DECR1: variants seen among roughly 807,000 people sequenced by gnomAD.
DECR1 encodes the protein 2,4-dienoyl-CoA reductase [(3E)-enoyl-CoA-producing], mitochondrial.
DECR1 carries 44 observed loss-of-function variants against 38.8 expected under a neutral mutation model. The observed-to-expected ratio is 1.13, with a 90% CI of 0.89 to 1.46. The LOEUF (loss-of-function observed/expected upper bound fraction) is 1.46. DECR1 is among the 40% of genes most tolerant of loss of function. DECR1 has a pLI of 0.00. For missense variants in DECR1, 428 were observed against 405.5 expected (o/e 1.06, Z -0.48); for synonymous variants, 148 against 135.2 (o/e 1.09, Z -0.66).
intron 1 of DECR1, among the ~76,000 whole-genome samples, chr8:90,009,822 T>C (rs1268415571): frequency 6.6e-6 from 1 of 152,262 alleles, no homozygotes; most frequent in East Asian, 1.9e-4. Context: ...CTCTTAGGTC[T>C]GTGATTTCAT....
Position 90,042,794 on chromosome 8 carries a change from A to C in DECR1, c.732A>C (p.Lys244Asn), listed in dbSNP as rs1813796200. Residue 244 changes from lysine (K) to asparagine (N), a missense_variant, in exon 7 of 10, where the codon AAA becomes AAC. Physicochemically the swap from Lys to Asn is moderately conservative, Grantham distance 94 (BLOSUM62 0). Coordinates refer to ENST00000220764, the MANE Select transcript of DECR1 (RefSeq NM_001359.2). ...ATGTGATTCAACCAGGGCCTATAAAAACCAAAGTAAGTTGTATTTTGCTTG... is the reference window on the plus strand; with the variant it reads ...ATGTGATTCAACCAGGGCCTATAAACACCAAAGTAAGTTGTATTTTGCTTG... ...RFNVIQPGPI[K>N]TKGAFSRLDP... is the part of the protein sequence containing the mutation. 6.2e-7 allele frequency: 1 copy of C among 1,612,918 alleles called. No homozygotes were observed. The highest frequency in any genetic ancestry group is 1.7e-5 in the Admixed American group (1 of 59,988).
intron 1 of DECR1, 78 bp from the exon 2 acceptor site, chr8:90,017,046 T>G (rs1384025392): frequency 2.1e-6 from 2 of 969,740 alleles, no homozygotes; most frequent in South Asian, 1.6e-5. Context: ...ACTATTAAAT[T>G]CAAGAGCATG....
chr8:90,037,170 T>G, intron 6 of DECR1: 1 of 480,814 alleles, frequency 2.1e-6, no homozygotes, highest in Non-Finnish European at 3.7e-6. Context: ...CACTATCCAG[T>G]ATCCACATGT....
intron 8 of DECR1, among the ~76,000 whole-genome samples, chr8:90,046,612 T>C (rs1813911437): frequency 6.6e-6 from 1 of 152,206 alleles, no homozygotes; most frequent in Admixed American, 6.5e-5. Context: ...GAAAACATGC[T>C]GCAGGATATT....
At position 90,001,514 on chromosome 8, in the gene DECR1, T is replaced by A; in HGVS notation, c.22T>A (p.Phe8Ile). MKLPARV[F>I]FTLGSRLPCG... is the part of the protein sequence containing the mutation. ...CAACATGAAGCTACCGGCCAGGGTTTTCTTTACTCTGGGGTCCCGGCTGCC... is the reference window on the plus strand; with the variant it reads ...CAACATGAAGCTACCGGCCAGGGTTATCTTTACTCTGGGGTCCCGGCTGCC... Residue 8 changes from phenylalanine to isoleucine, a missense_variant, in exon 1 of 10, where the codon TTC becomes ATC. Physicochemically the swap from Phe to Ile is conservative, Grantham distance 21. Coordinates refer to ENST00000220764, the MANE Select transcript of DECR1 (RefSeq NM_001359.2). 6.2e-7 allele frequency: 1 copy of A among 1,614,014 alleles called. No homozygotes were observed.
chr8:90,005,310 G>A, intron 1 of DECR1: 1 of 456,270 alleles, frequency 2.2e-6, no homozygotes, highest in South Asian at 1.5e-5. Context: ...CTAGGGATAT[G>A]AAGGTGAGAA....
At chr8:90,023,052 C>T (rs554760239) in intron 5 of DECR1, among the ~76,000 whole-genome samples, 178 of 152,240 alleles carry the variant, frequency 1.2e-3, no homozygotes, top group Admixed American at 2.0e-3. Context: ...GGGGAGTACG[C>T]GGTAAAGGAT....
chr8:90,034,793 C>T (rs1813579908), intron 5 of DECR1, among the ~76,000 whole-genome samples: 1 of 152,094 alleles, frequency 6.6e-6, no homozygotes, highest in South Asian at 2.1e-4. Flanking sequence ...GTCCTAGACA[C>T]TATTGACCAC....
At position 90,036,996 on chromosome 8, in the gene DECR1, C is replaced by G. The variant is rs1421052284; in HGVS notation, c.665+56C>G. 9.5e-6 allele frequency: 12 copies of G among 1,259,552 alleles called. No individual in the cohort carries two copies. In the Admixed American group the frequency reaches 1.9e-4, roughly 20 times the overall value. The allele number at this position is 1,259,552 out of a possible 1,614,324, so 78.0% of individuals were successfully genotyped here. ...AACATAACTAATACAGTTGGTGGCT[C>G]AGGGAACTGTATTCCTGCTTTCTGG... On this transcript the variant is annotated intron_variant, in intron 6 of 9. Transcript: ENST00000220764.
At chr8:90,038,562 G>A (rs1049825899) in intron 6 of DECR1, among the ~76,000 whole-genome samples, 3 of 149,324 alleles carry the variant, frequency 2.0e-5, no homozygotes, top group Non-Finnish European at 3.0e-5. Context: ...GGGTTCAAGC[G>A]ATTCTCCTGC....
rs1403589084 is a variant in DECR1 at position 90,005,248 on chromosome 8, C to A, written c.69+3687C>A. The A allele has an allele frequency of 9.0e-6, 4 of 445,478 alleles. No individual in the cohort carries two copies. The Admixed American group carries it at 9.9e-5, about 11-fold the overall frequency. The allele number at this position is 445,478 out of a possible 1,614,324, so 27.6% of individuals were successfully genotyped here. A position where few individuals can be genotyped will look rare whatever the true frequency, so the allele number is the denominator to read the frequency against. On this transcript the variant is annotated intron_variant, in intron 1 of 9. Coordinates refer to ENST00000220764, the MANE Select transcript of DECR1 (RefSeq NM_001359.2). ...TTGCTGGGGGACAGGGTATGGTGGGCTTTTCTTATTTATGTAGAAAATTGA... is the reference window on the plus strand; with the variant it reads ...TTGCTGGGGGACAGGGTATGGTGGGATTTTCTTATTTATGTAGAAAATTGA...
chr8:90,021,098 T>G (rs770737529), intron 5 of DECR1, 42 bp downstream of exon 5: 1 of 1,506,034 alleles, frequency 6.6e-7, no homozygotes, highest in Non-Finnish European at 8.9e-7. Context: ...GGCTTCTGTG[T>G]GTGCAAGGTT....
At chr8:90,041,192 G>A (rs1813752248) in intron 6 of DECR1, among the ~76,000 whole-genome samples, 1 of 151,822 alleles carries the variant, frequency 6.6e-6, no homozygotes, top group African/African-American at 2.4e-5. Flanking sequence ...GGTATCTCGT[G>A]GTTTTGATTT....
Position 90,034,068 on chromosome 8 carries a change from T to A in DECR1, c.566-2773T>A, listed in dbSNP as rs1586157507. On this transcript the variant is annotated intron_variant, in intron 5 of 9. Coordinates refer to ENST00000220764, the MANE Select transcript of DECR1 (RefSeq NM_001359.2). ...TATATAGAAGGAGTTACCAGAATGA[T>A]TAACATAACCATTCTTATTTTTTCC... 2.0e-5 allele frequency among the ~76,000 whole-genome samples: 3 copies of A among 152,232 alleles called. No individual in the cohort carries two copies. The East Asian group carries it at 5.8e-4, about 29-fold the overall frequency.
intron 6 of DECR1, among the ~76,000 whole-genome samples, chr8:90,037,177 A>T (rs1180510136): frequency 6.6e-6 from 1 of 152,212 alleles, no homozygotes; most frequent in South Asian, 2.1e-4. Context: ...CAGTATCCAC[A>T]TGTAGATATT....
intron 4 of DECR1, 120 bp downstream of exon 4, chr8:90,019,292 G>GCTTA (rs1813090714): frequency 2.6e-6 from 2 of 781,704 alleles, no homozygotes; most frequent in Non-Finnish European, 4.1e-6. Flanking sequence ...CGAATCTGGG[G>GCTTA]CTTAGCCTGG....
rs573697537 is a variant in DECR1, at chr8:90,048,014, C to T, written c.885+3019C>T. 3.3e-5 allele frequency among the ~76,000 whole-genome samples: 5 copies of T among 152,288 alleles called. No individual in the cohort carries two copies. In the South Asian group the frequency reaches 1.0e-3, roughly 32 times the overall value. ...GAACAAAGACACAACATACCAGAAT[C>T]TCTGGGACACATTTAAAGCAGTGTG... is the stretch of plus-strand genomic sequence containing the variant. On this transcript the variant is annotated intron_variant, in intron 8 of 9. Coordinates refer to ENST00000220764, the MANE Select transcript of DECR1 (RefSeq NM_001359.2).
intron 7 of DECR1, 101 bp from the exon 8 acceptor site, chr8:90,044,748 A>G (rs953017482): frequency 9.6e-6 from 12 of 1,246,164 alleles, no homozygotes; most frequent in South Asian, 1.7e-5. Flanking sequence ...TAAGGTTTTA[A>G]GCTGCATGGC....
At chr8:90,031,633 C>T (rs1011022311) in intron 5 of DECR1, among the ~76,000 whole-genome samples, 1 of 152,080 alleles carries the variant, frequency 6.6e-6, no homozygotes. Flanking sequence ...CATATGGGCT[C>T]TCATTGAAAA....
Sources: allele counts gnomAD v4.1 joint callset (sites outside exome capture counted in the v4.1 genomes callset), GRCh38; gene constraint gnomAD v4.1.1; transcripts MANE v1.5; gene names NCBI Gene and HGNC (gene_info 2026-07-23, HGNC 2026-07-21).